The following ST6GALNAC3 variants were observed in gnomAD, a reference collection of about 807,000 sequenced individuals.
ST6GALNAC3 encodes the protein alpha-N-acetylgalactosaminide alpha-2,6-sialyltransferase 3.
ST6GALNAC3 carries 25 observed loss-of-function variants against 32.7 expected under a neutral mutation model. That is an observed-to-expected ratio of 0.76 (90% CI 0.56 to 1.07). The LOEUF (loss-of-function observed/expected upper bound fraction) is 1.07. ST6GALNAC3 is among the 50% of genes least tolerant of loss of function. ST6GALNAC3 has a pLI of 0.00. For missense variants in ST6GALNAC3, 355 were observed against 382.4 expected (o/e 0.93, Z 0.60); for synonymous variants, 129 against 133.1 (o/e 0.97, Z 0.21).
intron 2 of ST6GALNAC3, among the ~76,000 whole-genome samples, chr1:76,363,440 T>A (rs1208985717): frequency 1.3e-5 from 2 of 152,204 alleles, no homozygotes; most frequent in Non-Finnish European, 1.5e-5. Flanking sequence ...CTATCAGCAC[T>A]TTTGTTGAAA....
At chr1:76,430,780 C>A (rs1655697970) in intron 3 of ST6GALNAC3, among the ~76,000 whole-genome samples, 1 of 152,056 alleles carries the variant, frequency 6.6e-6, no homozygotes, top group Admixed American at 6.6e-5. Context: ...GTGCAGAGTT[C>A]TCAGTGTATA....
At chr1:76,625,613 A>C (rs1648920424) in intron 3 of ST6GALNAC3, among the ~76,000 whole-genome samples, 2 of 152,018 alleles carry the variant, frequency 1.3e-5, no homozygotes, top group Admixed American at 1.3e-4. Flanking sequence ...TCATTTTCAA[A>C]TAAGGGCTTT....
At chr1:76,165,082 C>T (rs969351916) in intron 1 of ST6GALNAC3, among the ~76,000 whole-genome samples, 2 of 152,062 alleles carry the variant, frequency 1.3e-5, no homozygotes, top group Non-Finnish European at 2.9e-5. Context: ...AAACTTGTGT[C>T]ATGGGGTTTG....
intron 1 of ST6GALNAC3, among the ~76,000 whole-genome samples, chr1:76,251,437 T>C (rs1196069423): frequency 6.6e-6 from 1 of 152,176 alleles, no homozygotes; most frequent in African/African-American, 2.4e-5. Context: ...TTGAGCTGCT[T>C]TTGTAGACCT....
chr1:76,476,070 G>T (rs1235168407), intron 3 of ST6GALNAC3, among the ~76,000 whole-genome samples: 1 of 152,160 alleles, frequency 6.6e-6, no homozygotes, highest in African/African-American at 2.4e-5. Context: ...TGGTGTATAT[G>T]TGCCACATTT....
intron 1 of ST6GALNAC3, among the ~76,000 whole-genome samples, chr1:76,114,613 A>G (rs910966877): frequency 2.0e-5 from 3 of 152,236 alleles, no homozygotes; most frequent in African/African-American, 4.8e-5. Context: ...GGGAAGAACT[A>G]GAATGGAAAG....
chr1:76,176,272 A>G (rs755948784), intron 1 of ST6GALNAC3, among the ~76,000 whole-genome samples: 33 of 152,368 alleles, frequency 2.2e-4, no homozygotes, highest in Middle Eastern at 3.4e-3. Flanking sequence ...ATGAAAGCCC[A>G]CTGCCCAGAC....
intron 1 of ST6GALNAC3, among the ~76,000 whole-genome samples, chr1:76,224,239 G>C (rs2100614580): frequency 6.6e-6 from 1 of 152,192 alleles, no homozygotes; most frequent in South Asian, 2.1e-4. Flanking sequence ...TACTTTGTGA[G>C]GAACAAAATG....
At chr1:76,564,575 ATTTTTTTTTTTTTTT>A (rs200008546) in intron 3 of ST6GALNAC3, among the ~76,000 whole-genome samples, 1 of 126,262 alleles carries the variant, frequency 7.9e-6, no homozygotes. Context: ...TGAATGCAGC[ATTTTTTTTTTTTTTT>A]TTTTTTTTTT....
intron 1 of ST6GALNAC3, among the ~76,000 whole-genome samples, chr1:76,285,414 A>AGTGTGTGTGTGTGTG (rs1164300078): frequency 6.7e-6 from 1 of 149,752 alleles, no homozygotes; most frequent in African/African-American, 2.4e-5. Flanking sequence ...GTGTGTGTAC[A>AGTGTGTGTGTGTGTG]TGTGTGTGTA....
intron 3 of ST6GALNAC3, among the ~76,000 whole-genome samples, chr1:76,415,730 A>C (rs1259823862): frequency 6.6e-6 from 1 of 152,060 alleles, no homozygotes; most frequent in Non-Finnish European, 1.5e-5. Context: ...TTCTGCAAAG[A>C]ACGTCAGTTT....
At chr1:76,578,100 A>G (rs947653605) in intron 3 of ST6GALNAC3, among the ~76,000 whole-genome samples, 4 of 152,128 alleles carry the variant, frequency 2.6e-5, no homozygotes, top group Admixed American at 2.6e-4. Context: ...GTCCATTTGA[A>G]GTGGTGGAAA....
intron 1 of ST6GALNAC3, among the ~76,000 whole-genome samples, chr1:76,233,720 T>A (rs1264920365): frequency 6.6e-6 from 1 of 152,206 alleles, no homozygotes; most frequent in East Asian, 1.9e-4. Context: ...TATTAGATAC[T>A]TATCTATGTA....
intron 1 of ST6GALNAC3, among the ~76,000 whole-genome samples, chr1:76,313,365 G>A (rs1458624072): frequency 6.6e-6 from 1 of 152,082 alleles, no homozygotes. Context: ...TAATTACACA[G>A]TGAAAAAGTA....
intron 2 of ST6GALNAC3, among the ~76,000 whole-genome samples, chr1:76,405,864 A>G (rs1345351995): frequency 6.6e-6 from 1 of 151,984 alleles, no homozygotes; most frequent in East Asian, 1.9e-4. Flanking sequence ...TCAATAAAAT[A>G]TATTGTTTAC....
chr1:76,387,798 C>T (rs983213612), intron 2 of ST6GALNAC3, among the ~76,000 whole-genome samples: 1 of 152,086 alleles, frequency 6.6e-6, no homozygotes, highest in African/African-American at 2.4e-5. Flanking sequence ...GCATTCTATT[C>T]TTGCCAGGTC....
At chr1:76,627,654 A>T in intron 4 of ST6GALNAC3, 95 bp downstream of exon 4, 2 of 949,276 alleles carry the variant, frequency 2.1e-6, no homozygotes, top group South Asian at 1.4e-5. Flanking sequence ...TGAGAAACAG[A>T]TAAAGCAACA....
At chr1:76,400,563 A>G (rs977298000) in intron 2 of ST6GALNAC3, among the ~76,000 whole-genome samples, 11 of 152,164 alleles carry the variant, frequency 7.2e-5, no homozygotes, top group Admixed American at 7.2e-4. Context: ...ATTGGGGACC[A>G]AAAGTTTGAA....
At chr1:76,624,182 TA>T (rs1383331834) in intron 3 of ST6GALNAC3, among the ~76,000 whole-genome samples, 2 of 151,922 alleles carry the variant, frequency 1.3e-5, no homozygotes, top group Non-Finnish European at 2.9e-5. Context: ...ACATCTTGTT[TA>T]AAGAGCTATT....
Sources: gnomAD v4.1 joint callset for allele counts (sites outside exome capture counted in the v4.1 genomes callset) on GRCh38, gnomAD v4.1.1 for gene constraint, MANE v1.5 for transcripts, NCBI Gene and HGNC (gene_info 2026-07-23, HGNC 2026-07-21) for gene names.